Variants in IQANK1 observed in about 807,000 individuals in gnomAD.
The protein encoded by IQANK1 is IQ motif and ankyrin repeat domain-containing protein 1.
IQANK1 carries 30 observed loss-of-function variants against 22.6 expected under a neutral mutation model. The ratio of observed to expected loss-of-function variants is 1.33; its 90% CI spans 0.99 to 1.80. IQANK1 has a LOEUF of 1.80. Ranked by LOEUF, IQANK1 falls within the 40% of genes most tolerant of loss-of-function variation. IQANK1 has a pLI of 0.00. For missense variants in IQANK1, 275 were observed against 235.2 expected (o/e 1.17, Z -1.11); for synonymous variants, 122 against 99.6 (o/e 1.23, Z -1.34).
chr8:143,767,218 C>T (rs1030069122), intron 3 of IQANK1, among the ~76,000 whole-genome samples: 8 of 152,234 alleles, frequency 5.3e-5, no homozygotes, highest in African/African-American at 9.6e-5. Context: ...ATTAGGATTT[C>T]GTTGAACCTA....
intron 3 of IQANK1, chr8:143,759,767 T>G (rs932827803): frequency 3.9e-5 from 6 of 152,196 alleles, no homozygotes; most frequent in African/African-American, 1.4e-4. Context: ...AGCACTAACC[T>G]TGGCATTTTC....
At chr8:143,736,068 T>G in intron 2 of IQANK1, 130 bp downstream of exon 2, 1 of 633,828 alleles carries the variant, frequency 1.6e-6, no homozygotes, top group Non-Finnish European at 2.9e-6. Context: ...AGGGGACCTC[T>G]GAGTTGGGAT....
intron 3 of IQANK1, among the ~76,000 whole-genome samples, chr8:143,766,652 C>T (rs781875489): frequency 4.0e-5 from 6 of 151,540 alleles, no homozygotes; most frequent in Non-Finnish European, 8.8e-5. Context: ...GCCTACGTGA[C>T]GGTGCGAGAT....
chr8:143,742,227 C>A (rs1554626620), intron 3 of IQANK1: 3 of 381,434 alleles, frequency 7.9e-6, no homozygotes, highest in Non-Finnish European at 1.6e-5. Context: ...CCAGCCCTCA[C>A]TGGTGTCCGG....
chr8:143,747,306 C>G (rs1819051591), intron 3 of IQANK1, among the ~76,000 whole-genome samples: 1 of 152,110 alleles, frequency 6.6e-6, no homozygotes, highest in Non-Finnish European at 1.5e-5. Context: ...GTTGATCCTT[C>G]CAAAGAACCA....
intron 3 of IQANK1, among the ~76,000 whole-genome samples, chr8:143,769,101 T>G (rs1819528273): frequency 6.6e-6 from 1 of 152,128 alleles, no homozygotes; most frequent in Non-Finnish European, 1.5e-5. Flanking sequence ...CTCGCTCTGT[T>G]GTCCAGGCTG....
intron 7 of IQANK1, among the ~76,000 whole-genome samples, chr8:143,782,658 G>A (rs1819817088): frequency 6.6e-6 from 1 of 152,008 alleles, no homozygotes; most frequent in Non-Finnish European, 1.5e-5. Flanking sequence ...TTTTGTATTA[G>A]TAGAGACAGG....
intron 3 of IQANK1, among the ~76,000 whole-genome samples, chr8:143,751,236 C>G (rs1819182410): frequency 6.6e-6 from 1 of 151,984 alleles, no homozygotes; most frequent in Admixed American, 6.6e-5. Context: ...ATGCACTGGT[C>G]TCTTAAATTA....
intron 3 of IQANK1, among the ~76,000 whole-genome samples, chr8:143,754,304 C>T (rs373117716): frequency 3.3e-5 from 5 of 152,186 alleles, no homozygotes; most frequent in East Asian, 1.9e-4. Flanking sequence ...TGTTATCATT[C>T]GGCCGTATCC....
chr8:143,751,664 G>GTGTGTGTATATATATATATA (rs370428606), intron 3 of IQANK1, among the ~76,000 whole-genome samples: 6 of 61,546 alleles, frequency 9.7e-5, no homozygotes, highest in Non-Finnish European at 1.8e-4. Context: ...GTGTGTGTGT[G>GTGTGTGTATATATATATATA]TATATATATA....
intron 3 of IQANK1, among the ~76,000 whole-genome samples, chr8:143,768,709 A>G (rs995110996): frequency 6.6e-6 from 1 of 152,104 alleles, no homozygotes; most frequent in Non-Finnish European, 1.5e-5. Context: ...CAAGTATATG[A>G]TAGTTTTTTG....
intron 7 of IQANK1, among the ~76,000 whole-genome samples, chr8:143,775,943 T>C (rs1554630346): frequency 6.6e-6 from 1 of 151,940 alleles, no homozygotes. Flanking sequence ...TCTGAAGATA[T>C]AGCAATAGAA....
At chr8:143,788,793 G>C (rs1236232824) in intron 7 of IQANK1, 122 bp from the exon 8 acceptor site, 3 of 397,628 alleles carry the variant, frequency 7.5e-6, no homozygotes, top group East Asian at 3.6e-5. Flanking sequence ...CCAGCTGTGA[G>C]CACTGAGGCC....
At position 143,762,690 on chromosome 8, in the gene IQANK1, C is replaced by T. The variant is rs575268065; in HGVS notation, c.176-8798C>T. On this transcript the variant is annotated intron_variant, in intron 3 of 13. Coordinates refer to ENST00000527139, the MANE Select transcript of IQANK1 (RefSeq NM_001381874.1). ...AAAATATTTACCAGATCAGTCACTG[C>T]ATAACAGGTGGTAAATTGTATTGAT... Among the ~76,000 whole-genome samples, 95 of 152,300 alleles carry T rather than the reference C, an allele frequency of 6.2e-4. 1 individual carries two copies. The highest frequency in any genetic ancestry group is 3.4e-3 in the Middle Eastern group (1 of 294).
At chr8:143,768,331 T>C (rs1448911975) in intron 3 of IQANK1, among the ~76,000 whole-genome samples, 1 of 152,012 alleles carries the variant, frequency 6.6e-6, no homozygotes. Flanking sequence ...TTTCCGCGAA[T>C]GTCTCACTGC....
At chr8:143,775,986 G>A (rs1289332274) in intron 7 of IQANK1, among the ~76,000 whole-genome samples, 3 of 151,876 alleles carry the variant, frequency 2.0e-5, no homozygotes, top group Non-Finnish European at 4.4e-5. Flanking sequence ...GAAAGAGAAG[G>A]TTGAAAAAAA....
At chr8:143,755,057 T>C (rs891418243) in intron 3 of IQANK1, among the ~76,000 whole-genome samples, 1 of 152,144 alleles carries the variant, frequency 6.6e-6, no homozygotes, top group Admixed American at 6.5e-5. Context: ...ACACAAGGCA[T>C]GAATACCAGG....
intron 3 of IQANK1, among the ~76,000 whole-genome samples, chr8:143,751,660 G>GTATATATATATATATATA (rs1440239363): frequency 0.016 from 690 of 43,778 alleles, 4 homozygotes; most frequent in Non-Finnish European, 0.035. Context: ...GTGTGTGTGT[G>GTATATATATATATATATA]TGTGTATATA....
At position 143,789,872 on chromosome 8, in the gene IQANK1, G is replaced by A. The variant is rs1307248334; in HGVS notation, c.1195+3G>A. 1.6e-6 allele frequency: 2 copies of A among 1,231,938 alleles called. No homozygotes were observed. The highest frequency in any genetic ancestry group is 1.6e-5 in the African/African-American group (1 of 64,438). The allele number at this position is 1,231,938 out of a possible 1,614,324, so 76.3% of individuals were successfully genotyped here. A position where few individuals can be genotyped will look rare whatever the true frequency, so the allele number is the denominator to read the frequency against. On this transcript the variant is annotated splice_donor_region_variant and intron_variant, in intron 11 of 13. Coordinates refer to ENST00000527139, the MANE Select transcript of IQANK1 (RefSeq NM_001381874.1). The stretch of plus-strand genomic sequence containing the variant: ...GCTTCGGGAGCAGACGCAGGAGGGT[G>A]GGCCTGGCATGGGGCGCCGGCTGGG...
Sources: gnomAD v4.1 joint callset for allele counts (sites outside exome capture counted in the v4.1 genomes callset) on GRCh38, gnomAD v4.1.1 for gene constraint, MANE v1.5 for transcripts, NCBI Gene and HGNC (gene_info 2026-07-23, HGNC 2026-07-21) for gene names.